The following UBXN8 variants were observed in gnomAD, a reference collection of about 807,000 sequenced individuals.
UBXN8 encodes the protein UBX domain-containing protein 8.
UBXN8 carries 27 observed loss-of-function variants against 32.1 expected under a neutral mutation model. The observed-to-expected ratio is 0.84, with a 90% CI of 0.62 to 1.16. The LOEUF is 1.16. Ranked by LOEUF, UBXN8 falls within the 50% of genes most tolerant of loss-of-function variation. The pLI, the probability that UBXN8 is intolerant of heterozygous loss-of-function variation, is 0.00. For missense variants in UBXN8, 306 were observed against 311.4 expected (o/e 0.98, Z 0.13); for synonymous variants, 109 against 111.8 (o/e 0.98, Z 0.16).
rs1283416634 is a variant in UBXN8 at position 30,766,566 on chromosome 8, A to G, written c.*172A>G. On this transcript the variant is annotated 3_prime_UTR_variant, in exon 8 of 8. Coordinates refer to ENST00000265616, the MANE Select transcript of UBXN8 (RefSeq NM_005671.4). ...AGAAAAGGATTGCTTTCTATATATA[A>G]TAATCTGTGGACTGTGCCATTTTAC... The G allele has an allele frequency of 2.3e-5, 14 of 612,544 alleles. No individual in the cohort carries two copies. The South Asian group carries it at 2.5e-4, about 11-fold the overall frequency. The allele number at this position is 612,544 out of a possible 1,614,324, so 37.9% of individuals were successfully genotyped here. A position where few individuals can be genotyped will look rare whatever the true frequency, so the allele number is the denominator to read the frequency against.
intron 1 of UBXN8, among the ~76,000 whole-genome samples, chr8:30,747,011 G>A (rs1188275832): frequency 3.6e-5 from 5 of 137,966 alleles, no homozygotes; most frequent in East Asian, 4.3e-4. Context: ...GAAAATTAGC[G>A]GAGCATGGTG....
At chr8:30,743,004 T>C (rs1398971711), upstream of UBXN8, among the ~76,000 whole-genome samples, 1 of 152,082 alleles carries the variant, frequency 6.6e-6, no homozygotes, top group Non-Finnish European at 1.5e-5. Context: ...TACCAAACTG[T>C]GGAGCTCAAT....
At chr8:30,765,529 A>T (rs971870180) in intron 7 of UBXN8, among the ~76,000 whole-genome samples, 15 of 68,022 alleles carry the variant, frequency 2.2e-4, no homozygotes, top group South Asian at 4.0e-4. Flanking sequence ...GGGAAAAAAA[A>T]TTTTATATAT....
intron 5 of UBXN8, among the ~76,000 whole-genome samples, chr8:30,759,096 T>A (rs556136409): frequency 6.6e-6 from 1 of 151,602 alleles, no homozygotes; most frequent in Admixed American, 6.6e-5. Flanking sequence ...GGTTCCATCG[T>A]GTTGGCCAGG....
chr8:30,748,280 C>T (rs1317674392), intron 1 of UBXN8, among the ~76,000 whole-genome samples: 1 of 151,438 alleles, frequency 6.6e-6, no homozygotes, highest in African/African-American at 2.4e-5. Flanking sequence ...CATGAACCAC[C>T]ATGCCCAAGA....
intron 2 of UBXN8, among the ~76,000 whole-genome samples, chr8:30,752,381 C>T (rs1214676060): frequency 6.6e-6 from 1 of 152,132 alleles, no homozygotes; most frequent in African/African-American, 2.4e-5. Context: ...GTGCTTGGCT[C>T]ACTGCAACCT....
intron 7 of UBXN8, 41 bp from the exon 8 acceptor site, chr8:30,766,186 A>C: frequency 6.3e-7 from 1 of 1,577,654 alleles, no homozygotes; most frequent in East Asian, 2.3e-5. Context: ...ATGGTGTGTA[A>C]AGTATTTGAT....
At chr8:30,731,869 C>T (rs1451515347), upstream of UBXN8, among the ~76,000 whole-genome samples, 1 of 152,194 alleles carries the variant, frequency 6.6e-6, no homozygotes, top group Admixed American at 6.5e-5. Context: ...CACTCCCCTC[C>T]TGCCTGTTCC....
At chr8:30,759,606 A>G (rs1316227029) in intron 5 of UBXN8, among the ~76,000 whole-genome samples, 1 of 151,432 alleles carries the variant, frequency 6.6e-6, no homozygotes, top group African/African-American at 2.4e-5. Context: ...ACCAAAGTGA[A>G]TGGTTTCTGG....
Position 30,744,245 on chromosome 8 carries a change from G to C in UBXN8, c.56G>C (p.Cys19Ser), listed in dbSNP as rs1255233563. The change falls in exon 1 of 8, where the codon TGT becomes TCT. Residue 19 changes from cysteine (C) to serine (S), a missense_variant. Coordinates refer to ENST00000265616, the MANE Select transcript of UBXN8 (RefSeq NM_005671.4). ...IFFLSAVPLV[C>S]LELRRGIPDI... Reference sequence around the variant, plus strand: ...TTCCTCTCTGCTGTCCCCCTTGTGTGTCTGGAGCTCCGGCGTGGGATCCCG... The same window carrying C: ...TTCCTCTCTGCTGTCCCCCTTGTGTCTCTGGAGCTCCGGCGTGGGATCCCG... The C allele has an allele frequency of 1.2e-6, 2 of 1,613,930 alleles. No individual in the cohort carries two copies. Among genetic ancestry groups the C allele is most frequent in the Non-Finnish European group, 8.5e-7 (1 of 1,179,866 alleles).
upstream of UBXN8, among the ~76,000 whole-genome samples, chr8:30,742,949 A>G (rs16877326): frequency 6.6e-6 from 1 of 152,038 alleles, no homozygotes. Flanking sequence ...TCTTGAGGAC[A>G]AATTCAGTAA....
intron 1 of UBXN8, among the ~76,000 whole-genome samples, chr8:30,744,629 G>A (rs1805314897): frequency 1.3e-5 from 2 of 152,234 alleles, no homozygotes; most frequent in Admixed American, 1.3e-4. Flanking sequence ...TAGAGACAGG[G>A]TCTCACTATG....
chr8:30,732,665 C>A (rs1357766862), exon 1 of UBXN8: 1 of 169,446 alleles, frequency 5.9e-6, no homozygotes, highest in Non-Finnish European at 1.3e-5. Flanking sequence ...GCTACCCGAT[C>A]TGACAAAGCC....
chr8:30,738,102 A>C (rs868611347), intron 1 of UBXN8, among the ~76,000 whole-genome samples: 2 of 152,220 alleles, frequency 1.3e-5, no homozygotes, highest in Middle Eastern at 3.4e-3. Flanking sequence ...CTATTTAAAA[A>C]AAAAAAAAAA....
At chr8:30,755,541 C>T (rs190971206) in intron 4 of UBXN8, among the ~76,000 whole-genome samples, 5 of 151,726 alleles carry the variant, frequency 3.3e-5, no homozygotes, top group African/African-American at 4.8e-5. Flanking sequence ...TTGCTTGAGA[C>T]GAGGAGTTTG....
intron 5 of UBXN8, among the ~76,000 whole-genome samples, chr8:30,760,443 A>ATATATATATATT (rs1196366158): frequency 1.1e-5 from 1 of 91,118 alleles, no homozygotes; most frequent in African/African-American, 5.1e-5. Context: ...ATATATATAT[A>ATATATATATATT]TTTTTTTTTT....
At chr8:30,760,802 A>G in intron 5 of UBXN8, 86 bp from the exon 6 acceptor site, 1 of 810,894 alleles carries the variant, frequency 1.2e-6, no homozygotes, top group Non-Finnish European at 2.0e-6. Context: ...ATGTGTGTCT[A>G]AACTCTGTAT....
chr8:30,747,941 T>C (rs1805411825), intron 1 of UBXN8, among the ~76,000 whole-genome samples: 2 of 120,702 alleles, frequency 1.7e-5, no homozygotes, highest in Non-Finnish European at 3.4e-5. Context: ...TTCTTGATAG[T>C]GAGCTTCCAA....
upstream of UBXN8, among the ~76,000 whole-genome samples, chr8:30,730,741 A>G (rs1031290697): frequency 6.6e-6 from 1 of 152,226 alleles, no homozygotes; most frequent in Non-Finnish European, 1.5e-5. Context: ...GGCCTATCAC[A>G]TGTATACTCC....
Sources: gnomAD v4.1 joint callset for allele counts (sites outside exome capture counted in the v4.1 genomes callset) on GRCh38, gnomAD v4.1.1 for gene constraint, MANE v1.5 for transcripts, NCBI Gene and HGNC (gene_info 2026-07-23, HGNC 2026-07-21) for gene names.